DROSHA: variants seen among roughly 807,000 people sequenced by gnomAD.
DROSHA encodes the protein drosha ribonuclease III.
In DROSHA, 56 loss-of-function variants were observed where a neutral mutation model predicts 181.9. That is an observed-to-expected ratio of 0.31 (90% confidence interval 0.25 to 0.38). The LOEUF (loss-of-function observed/expected upper bound fraction) is 0.38, where lower values mean the gene tolerates loss of function less well. Among genes scored for constraint, DROSHA ranks in the 10% least tolerant of loss-of-function variants. The pLI is 1.00. For missense variants in DROSHA, 1,218 were observed against 1,743.5 expected (o/e 0.70, Z 5.37); for synonymous variants, 524 against 591.2 (o/e 0.89, Z 1.65).
intron 27 of DROSHA, among the ~76,000 whole-genome samples, chr5:31,427,415 A>G (rs1012421744): frequency 6.6e-6 from 1 of 152,204 alleles, no homozygotes; most frequent in African/African-American, 2.4e-5. Context: ...GGTGAAAAAG[A>G]AAAAAACAGC....
At chr5:31,523,922 C>A (rs1740205143) in intron 5 of DROSHA, among the ~76,000 whole-genome samples, 1 of 147,844 alleles carries the variant, frequency 6.8e-6, no homozygotes, top group African/African-American at 2.5e-5. Context: ...TTGCAGTGAG[C>A]CGAGATCGCG....
chr5:31,456,666 T>A (rs1369212243), intron 20 of DROSHA, among the ~76,000 whole-genome samples: 1 of 152,182 alleles, frequency 6.6e-6, no homozygotes, highest in African/African-American at 2.4e-5. Flanking sequence ...ACCACTAACA[T>A]AAAACTGTTT....
chr5:31,426,205 C>A (rs138660939), intron 27 of DROSHA, among the ~76,000 whole-genome samples: 1 of 152,038 alleles, frequency 6.6e-6, no homozygotes, highest in Non-Finnish European at 1.5e-5. Context: ...ACCCCATAGA[C>A]ACCGAGATAG....
At chr5:31,520,397 T>C (rs1251385893) in intron 6 of DROSHA, among the ~76,000 whole-genome samples, 1 of 152,174 alleles carries the variant, frequency 6.6e-6, no homozygotes, top group Non-Finnish European at 1.5e-5. Context: ...TAAATCCCTT[T>C]TTCTGCTTTT....
intron 9 of DROSHA, 51 bp from the exon 10 acceptor site, chr5:31,508,826 G>GAT: frequency 7.1e-7 from 1 of 1,401,654 alleles, no homozygotes; most frequent in Non-Finnish European, 9.5e-7. Context: ...TAACAAACTG[G>GAT]TTTTTTTTTT....
chr5:31,485,190 A>T lies in DROSHA; in HGVS notation c.1915-228T>A, dbSNP rs74292533. ...TCAACTTAGCCCTTCTCAGTATACA[A>T]ATAAAATAAGAAATTCAAAAAGTAA... On this transcript the variant is annotated intron_variant, in intron 14 of 35. Coordinates refer to ENST00000344624, the MANE Select transcript of DROSHA (RefSeq NM_001382508.1). Among the ~76,000 whole-genome samples, 16,675 of 152,170 alleles carry T rather than the reference A, an allele frequency of 0.11. 1,194 individuals are homozygous for T. The highest frequency in any genetic ancestry group is 0.22 in the East Asian group (1,160 of 5,168).
At chr5:31,423,441 T>G (rs1224709682) in intron 28 of DROSHA, 1 of 153,180 alleles carries the variant, frequency 6.5e-6, no homozygotes, top group Non-Finnish European at 1.5e-5. Context: ...CTTTAAAAAC[T>G]ACTGCATTAA....
At chr5:31,436,626 C>A (rs1398983799) in intron 24 of DROSHA, among the ~76,000 whole-genome samples, 1 of 152,128 alleles carries the variant, frequency 6.6e-6, no homozygotes, top group African/African-American at 2.4e-5. Context: ...CTCCTGACCT[C>A]AGGTGATCCA....
Position 31,401,549 on chromosome 5 carries a change from C to A in DROSHA, c.4008G>T (p.Gln1336His). The change falls in exon 36 of 36, where the codon CAG becomes CAT. Residue 1336 changes from glutamine to histidine, a missense_variant. Around this residue, in one of 8 missense-constraint regions of DROSHA, gnomAD observed 48 missense variants for 124.9 expected, o/e 0.38. Transcript: ENST00000344624. Reference sequence around the variant, plus strand: ...CGATGAACCGCTTCTGATGGGCCATCTGGGGAAAATTATCTGACACAAGGA... The same window carrying A: ...CGATGAACCGCTTCTGATGGGCCATATGGGGAAAATTATCTGACACAAGGA... ...MDALEKYNFP[Q>H]MAHQKRFIER... 6.3e-7 allele frequency: 1 copy of A among 1,578,114 alleles called. No homozygotes were observed. The highest frequency in any genetic ancestry group is 8.6e-7 in the Non-Finnish European group (1 of 1,161,826).
intron 23 of DROSHA, among the ~76,000 whole-genome samples, chr5:31,437,540 T>G (rs1271882542): frequency 6.6e-6 from 1 of 152,026 alleles, no homozygotes; most frequent in East Asian, 1.9e-4. Context: ...CCAGGGGGCT[T>G]CCTTCCCCTG....
At chr5:31,435,938 C>G in intron 24 of DROSHA, 74 bp from the exon 25 acceptor site, 1 of 1,365,868 alleles carries the variant, frequency 7.3e-7, no homozygotes, top group Non-Finnish European at 1.0e-6. Context: ...GTCACAGAAA[C>G]AGGGCTGGCA....
chr5:31,407,000 A>G lies in DROSHA; in HGVS notation c.3855-55T>C, dbSNP rs1412316225. The G allele has an allele frequency of 2.0e-6, 3 of 1,493,476 alleles. No homozygotes were observed. In the Admixed American group the frequency reaches 5.4e-5, roughly 27 times the overall value. The allele number at this position is 1,493,476 out of a possible 1,614,324, so 92.5% of individuals were successfully genotyped here. A position where few individuals can be genotyped will look rare whatever the true frequency, so the allele number is the denominator to read the frequency against. The stretch of plus-strand genomic sequence containing the variant: ...TGGTAAAGTGTTATTTGTCATGGTT[A>G]CTATGTAACTATGAGGAAAACCATG... On this transcript the variant is annotated intron_variant, in intron 33 of 35. Coordinates refer to ENST00000344624, the MANE Select transcript of DROSHA (RefSeq NM_001382508.1).
chr5:31,495,402 C>T lies in DROSHA; in HGVS notation c.1669-30G>A, dbSNP rs748170079. The T allele has an allele frequency of 2.5e-6, 4 of 1,585,448 alleles. No individual in the cohort carries two copies. In the Admixed American group the frequency reaches 6.8e-5, roughly 27 times the overall value. On this transcript the variant is annotated intron_variant, in intron 11 of 35. Transcript: ENST00000344624. ...GGGGAAAAAAACGAAAATCAGTTTA[C>T]AAGTAAAGCAAGAGTACTTTTACTT...
rs68049196 is a variant in DROSHA at position 31,514,228 on chromosome 5, A to AACACACACAC, written c.1290+750_1290+759dup. On this transcript the variant is annotated intron_variant, in intron 8 of 35. Transcript: ENST00000344624. This position sits in a 1 kb window ranked among gnomAD's most constrained non-coding sequence, Gnocchi z 4.4. ...CTTCCTTATTTTTCATTTTGGAGAA[A>AACACACACAC]ACACACACACACACACACACACACA... Among the ~76,000 whole-genome samples the AACACACACAC allele has an allele frequency of 6.7e-6, 1 of 148,324 alleles. No individual in the cohort carries two copies. Among genetic ancestry groups the AACACACACAC allele is most frequent in the African/African-American group, 2.5e-5 (1 of 40,010 alleles).
At chr5:31,476,181 G>A (rs1305785303) in intron 16 of DROSHA, among the ~76,000 whole-genome samples, 4 of 152,142 alleles carry the variant, frequency 2.6e-5, no homozygotes, top group African/African-American at 9.7e-5. Context: ...CCTGGCCAAC[G>A]TGGCAAAACC....
Position 31,461,006 on chromosome 5 carries a change from TAA to T in DROSHA, c.2574+3228_2574+3229del, listed in dbSNP as rs113186164. On this transcript the variant is annotated intron_variant, in intron 20 of 35. Coordinates refer to ENST00000344624, the MANE Select transcript of DROSHA (RefSeq NM_001382508.1). ...TGTTAAGAACAAAGTAAAGGCCAAA[TAA>T]ACAATAAAAAATGTTAGCATATACG... Among the ~76,000 whole-genome samples the T allele has an allele frequency of 2.6e-5, 4 of 152,198 alleles. 1 individual carries two copies. The highest frequency in any genetic ancestry group is 9.6e-5 in the African/African-American group (4 of 41,548).
At chr5:31,443,565 T>A (rs1168649996) in intron 23 of DROSHA, among the ~76,000 whole-genome samples, 1 of 152,120 alleles carries the variant, frequency 6.6e-6, no homozygotes, top group Non-Finnish European at 1.5e-5. Context: ...CAGCTCAGAT[T>A]TAGGTGGTTA....
At position 31,411,934 on chromosome 5, in the gene DROSHA, G is replaced by A. The variant is rs1398072533; in HGVS notation, c.3526-1047C>T. 6.6e-6 allele frequency among the ~76,000 whole-genome samples: 1 copy of A among 152,134 alleles called. No individual in the cohort carries two copies. Among genetic ancestry groups the A allele is most frequent in the East Asian group, 1.9e-4 (1 of 5,192 alleles). On this transcript the variant is annotated intron_variant, in intron 30 of 35. Transcript: ENST00000344624. The surrounding 1 kb of genome is among the most constrained non-coding windows in gnomAD (Gnocchi z 4.2). ...GAGCCACTGCGCCCAGCCCATACTG[G>A]TATCCTTTGTCTCTAATCAAATTAA...
chr5:31,402,428 A>G (rs1346750551), intron 35 of DROSHA, among the ~76,000 whole-genome samples: 15 of 152,222 alleles, frequency 9.9e-5, no homozygotes. Flanking sequence ...TCAAGAGTAC[A>G]TTCACACAAC....
Sources: allele counts gnomAD v4.1 joint callset (sites outside exome capture counted in the v4.1 genomes callset), GRCh38; gene constraint gnomAD v4.1.1; regional missense constraint gnomAD v4.1.1; non-coding constraint Gnocchi (gnomAD v3.1); transcripts MANE v1.5; gene names NCBI Gene and HGNC (gene_info 2026-07-23, HGNC 2026-07-21).